Variants in SPATA7 observed in about 807,000 individuals in gnomAD.
The protein encoded by SPATA7 is spermatogenesis associated 7, also known as spermatogenesis-associated protein 7.
SPATA7 carries 43 observed loss-of-function variants against 51.8 expected under a neutral mutation model. That is an observed-to-expected ratio of 0.83 (90% CI 0.65 to 1.07). The LOEUF (loss-of-function observed/expected upper bound fraction) is 1.07. Among genes scored for constraint, SPATA7 ranks in the 50% least tolerant of loss-of-function variants. The probability of loss-of-function intolerance (pLI) is 0.00; values close to 1 mark genes in which losing one functional copy is unlikely to be tolerated. For synonymous variants in SPATA7, 230 were observed against 252.8 expected (o/e 0.91, Z 0.86); for missense variants, 683 against 701.3 (o/e 0.97, Z 0.30).
intron 4 of SPATA7, among the ~76,000 whole-genome samples, chr14:88,409,789 G>T (rs543758058): frequency 4.6e-5 from 7 of 152,218 alleles, no homozygotes; most frequent in African/African-American, 1.7e-4. Context: ...GGTACATTGT[G>T]TCTTTGTTCT....
chr14:88,436,544 T>G (rs1412138997), intron 10 of SPATA7, among the ~76,000 whole-genome samples: 1 of 152,188 alleles, frequency 6.6e-6, no homozygotes, highest in African/African-American at 2.4e-5. Flanking sequence ...ATTTAGTAGT[T>G]CCATAGTTTC....
At chr14:88,385,860 T>A in intron 1 of SPATA7, 23 bp downstream of exon 1, 1 of 1,594,092 alleles carries the variant, frequency 6.3e-7, no homozygotes, top group Non-Finnish European at 8.5e-7. Context: ...TGTCAGGGGC[T>A]ACCGCCGCCT....
downstream of SPATA7, among the ~76,000 whole-genome samples, chr14:88,440,639 G>A (rs780283129): frequency 2.0e-5 from 3 of 152,096 alleles, no homozygotes; most frequent in Non-Finnish European, 4.4e-5. Flanking sequence ...TGATGAATGC[G>A]AGTGTGTCTT....
In SPATA7 at chr14:88,438,098, C is replaced by G; in HGVS notation, c.1476C>G (p.Phe492Leu). The G allele has an allele frequency of 6.2e-7, 1 of 1,614,048 alleles. No homozygotes were observed. Among genetic ancestry groups the G allele is most frequent in the South Asian group, 1.1e-5 (1 of 91,058 alleles). Residue 492 changes from phenylalanine (F) to leucine (L), a missense_variant, in exon 12 of 12, where the codon TTC (phenylalanine) becomes TTG (leucine). Phe to Leu is a conservative substitution (Grantham distance 22). Coordinates refer to ENST00000393545, the MANE Select transcript of SPATA7 (RefSeq NM_018418.5). ...TATTCCCTTCACCAACTGAATTTTT[C>G]ATGCCTATTTATAAATCAAAGCATT... ...NEIFPSPTEF[F>L]MPIYKSKHSE...
intron 4 of SPATA7, among the ~76,000 whole-genome samples, chr14:88,461,328 A>G (rs191067701): frequency 0.038 from 5,779 of 152,288 alleles, 357 homozygotes; most frequent in African/African-American, 0.13. Context: ...AGAGGCAGGC[A>G]GGCCTCCTTG....
chr14:88,454,989 C>T, intron 3 of SPATA7: 2 of 438,230 alleles, frequency 4.6e-6, no homozygotes, highest in African/African-American at 2.0e-5. Context: ...ATTTCTGGGC[C>T]CCATCCCCAT....
At chr14:88,417,112 G>A (rs935871419) in intron 5 of SPATA7, among the ~76,000 whole-genome samples, 1 of 152,054 alleles carries the variant, frequency 6.6e-6, no homozygotes, top group Non-Finnish European at 1.5e-5. Flanking sequence ...TGGCCTGAAG[G>A]TTATAGTTTG....
At chr14:88,448,823 G>C (rs2077231989) in intron 3 of SPATA7, among the ~76,000 whole-genome samples, 2 of 152,144 alleles carry the variant, frequency 1.3e-5, no homozygotes, top group Non-Finnish European at 1.5e-5. Flanking sequence ...GGACCTACTT[G>C]AGGAGGCAGT....
chr14:88,397,353 A>G (rs1346355404), intron 4 of SPATA7, among the ~76,000 whole-genome samples: 1 of 152,174 alleles, frequency 6.6e-6, no homozygotes, highest in Non-Finnish European at 1.5e-5. Context: ...AAGCATTTCT[A>G]ACTTAAAAAT....
chr14:88,424,948 C>A (rs377476929), intron 5 of SPATA7, among the ~76,000 whole-genome samples: 95 of 151,992 alleles, frequency 6.3e-4, no homozygotes, highest in African/African-American at 1.9e-3. Context: ...CTTATTTGTT[C>A]CCAGAAAAAG....
At chr14:88,451,818 C>A (rs1188513221) in intron 3 of SPATA7, among the ~76,000 whole-genome samples, 1 of 152,162 alleles carries the variant, frequency 6.6e-6, no homozygotes, top group African/African-American at 2.4e-5. Flanking sequence ...AGCCGCTACA[C>A]CTGGCCCTAT....
intron 3 of SPATA7, among the ~76,000 whole-genome samples, chr14:88,449,893 C>G (rs1170347186): frequency 2.0e-5 from 3 of 152,088 alleles, no homozygotes; most frequent in Non-Finnish European, 4.4e-5. Context: ...AGAATAGCTA[C>G]TCCTGCTTGC....
At chr14:88,437,205 G>A (rs1190712063) in intron 10 of SPATA7, among the ~76,000 whole-genome samples, 1 of 145,366 alleles carries the variant, frequency 6.9e-6, no homozygotes, top group Non-Finnish European at 1.5e-5. Context: ...GGGTTTGGTT[G>A]TGTGTGTGTG....
chr14:88,423,888 T>C (rs1018460558), intron 5 of SPATA7, among the ~76,000 whole-genome samples: 1 of 152,166 alleles, frequency 6.6e-6, no homozygotes, highest in Non-Finnish European at 1.5e-5. Context: ...AATCCGACAA[T>C]TGGAAAATTA....
At chr14:88,439,569 A>G (rs190417380), downstream of SPATA7, among the ~76,000 whole-genome samples, 161 of 152,306 alleles carry the variant, frequency 1.1e-3, 2 homozygotes, top group East Asian at 0.023. Context: ...AAAAAATACA[A>G]CCCAGGTATT....
At chr14:88,430,062 A>G (rs1490383752) in intron 8 of SPATA7, among the ~76,000 whole-genome samples, 1 of 152,128 alleles carries the variant, frequency 6.6e-6, no homozygotes, top group Non-Finnish European at 1.5e-5. Flanking sequence ...AGGTAGTAGA[A>G]AACCTAAAAG....
intron 4 of SPATA7, chr14:88,416,409 C>CTT (rs536916579): frequency 2.1e-4 from 25 of 121,014 alleles, no homozygotes; most frequent in South Asian, 5.8e-4. Context: ...TGTTGGCATT[C>CTT]TTTTTTTTTT....
intron 4 of SPATA7, chr14:88,468,915 C>T: frequency 2.5e-6 from 4 of 1,614,084 alleles, no homozygotes; most frequent in Non-Finnish European, 3.4e-6. Context: ...AGCGCCATCA[C>T]CTCATTGTGT....
intron 9 of SPATA7, 64 bp from the exon 10 acceptor site, chr14:88,433,071 T>G: frequency 8.0e-7 from 1 of 1,255,444 alleles, no homozygotes; most frequent in Non-Finnish European, 1.2e-6. Context: ...GTACTAATGT[T>G]TCTTACAGTT....
Sources: gnomAD v4.1 joint callset for allele counts (sites outside exome capture counted in the v4.1 genomes callset) on GRCh38, gnomAD v4.1.1 for gene constraint, MANE v1.5 for transcripts, NCBI Gene and HGNC (gene_info 2026-07-23, HGNC 2026-07-21) for gene names.